Variants in PTPRT observed in about 807,000 individuals in gnomAD.
The protein encoded by PTPRT is protein tyrosine phosphatase receptor type T, also known as receptor-type tyrosine-protein phosphatase T.
In PTPRT, 56 loss-of-function variants were observed where a neutral mutation model predicts 176.8. The observed-to-expected ratio is 0.32, with a 90% confidence interval of 0.26 to 0.40. The LOEUF is 0.40. PTPRT is among the 10% of genes least tolerant of loss of function. PTPRT has a pLI of 1.00. For synonymous variants in PTPRT, 783 were observed against 739.0 expected, an observed-to-expected ratio of 1.06 and a Z score of -0.96; for missense variants, 1,540 against 1,908.2, an observed-to-expected ratio of 0.81 and a Z score of 3.60.
rs1194568944 is a variant in PTPRT at position 42,077,624 on chromosome 20, C to A, written c.*3255G>T. ...GTGCCCCATCTCATCCAAGCCTTGC[C>A]ACATCCTTGTCCCATGGGATCTTAG... is the stretch of plus-strand genomic sequence containing the variant. On this transcript the variant is annotated 3_prime_UTR_variant, in exon 31 of 31. Transcript: ENST00000373187. The A allele has an allele frequency of 4.6e-6, 1 of 219,076 alleles. No homozygotes were observed. Among genetic ancestry groups the A allele is most frequent in the African/African-American group, 2.2e-5 (1 of 44,560 alleles). 13.6% of individuals were successfully genotyped at this position (219,076 alleles called of 1,614,324 possible).
chr20:42,847,542 A>G (rs2145747631), intron 2 of PTPRT, among the ~76,000 whole-genome samples: 1 of 152,286 alleles, frequency 6.6e-6, no homozygotes, highest in African/African-American at 2.4e-5. Context: ...GTAAGCACTC[A>G]AGGCACGAGA....
At chr20:42,944,849 C>A (rs960533516) in intron 1 of PTPRT, among the ~76,000 whole-genome samples, 2 of 152,092 alleles carry the variant, frequency 1.3e-5, no homozygotes, top group African/African-American at 4.8e-5. Flanking sequence ...TCTTACCTCC[C>A]AGTGGTATAT....
intron 9 of PTPRT, among the ~76,000 whole-genome samples, chr20:42,372,843 C>G (rs939750085): frequency 6.6e-6 from 1 of 152,120 alleles, no homozygotes; most frequent in Non-Finnish European, 1.5e-5. Flanking sequence ...AGAACCCACC[C>G]CAGACACCTA....
At chr20:42,288,091 A>T (rs2057260977) in intron 12 of PTPRT, among the ~76,000 whole-genome samples, 1 of 152,030 alleles carries the variant, frequency 6.6e-6, no homozygotes, top group Admixed American at 6.6e-5. Flanking sequence ...ATTCTTGCAC[A>T]ATTAATTTGA....
chr20:42,969,133 T>G (rs906117882), intron 1 of PTPRT: 2 of 152,190 alleles, frequency 1.3e-5, no homozygotes, highest in African/African-American at 4.8e-5. Context: ...TACACTTGCC[T>G]AAAGGAAAAT....
At chr20:42,897,863 A>T (rs1170121316) in intron 1 of PTPRT, among the ~76,000 whole-genome samples, 1 of 152,186 alleles carries the variant, frequency 6.6e-6, no homozygotes, top group Admixed American at 6.5e-5. Context: ...ATTTGTAAAC[A>T]CTTGGAATAG....
chr20:43,033,814 G>A lies in PTPRT; in HGVS notation c.89-147882C>T, dbSNP rs150476352. ...CCTGCTCTACAGAAAAACACTGAGC[G>A]CAGTGACCTTAAGTAACTCTCAAGG... On this transcript the variant is annotated intron_variant, in intron 1 of 30. Transcript: ENST00000373187. Among the ~76,000 whole-genome samples the A allele has an allele frequency of 3.3e-3, 497 of 152,254 alleles. 3 individuals carry two copies. The highest frequency in any genetic ancestry group is 0.011 in the African/African-American group (466 of 41,556).
At chr20:42,055,989 C>T in the PTPRT span, among the ~76,000 whole-genome samples, 1 of 152,172 alleles carries the variant, frequency 6.6e-6, no homozygotes, top group South Asian at 2.1e-4. Context: ...ATGCATCATG[C>T]TGCCTTCCAG....
chr20:42,104,625 T>C lies in PTPRT; in HGVS notation c.3484A>G (p.Asn1162Asp), dbSNP rs1986255222. ...GTCTGGGGGTCCAGCCTGCTGATAT[T>C]GTAGTAGAGAGAACGGAACTCACAC... is the stretch of plus-strand genomic sequence containing the variant. ...PVCEFRSLYY[N>D]ISRLDPQTNS... The change falls in exon 25 of 31, where the codon AAT (asparagine) becomes GAT (aspartate). Residue 1162 changes from asparagine to aspartate, a missense_variant. By Grantham distance (23) the Asn-to-Asp change is conservative. Coordinates refer to ENST00000373187, the MANE Select transcript of PTPRT (RefSeq NM_007050.6). 6.2e-7 allele frequency: 1 copy of C among 1,610,894 alleles called. No homozygotes were observed. Among genetic ancestry groups the C allele is most frequent in the Non-Finnish European group, 8.5e-7 (1 of 1,177,130 alleles).
intron 7 of PTPRT, among the ~76,000 whole-genome samples, chr20:42,549,750 G>C (rs1465363574): frequency 2.6e-5 from 4 of 152,152 alleles, no homozygotes; most frequent in Admixed American, 2.6e-4. Context: ...TGGTTTATGT[G>C]ATGCACAGTC....
intron 15 of PTPRT, among the ~76,000 whole-genome samples, chr20:42,229,911 G>A (rs900340699): frequency 2.6e-5 from 4 of 151,980 alleles, no homozygotes; most frequent in Non-Finnish European, 4.4e-5. Context: ...CTGTATGTCC[G>A]TATGTCTTTT....
chr20:42,405,402 C>G (rs1252544193), intron 9 of PTPRT, among the ~76,000 whole-genome samples: 3 of 152,066 alleles, frequency 2.0e-5, no homozygotes, highest in Non-Finnish European at 4.4e-5. Context: ...TCCACCTGTT[C>G]TCATTGTTCA....
intron 7 of PTPRT, among the ~76,000 whole-genome samples, chr20:42,477,580 C>G (rs992933813): frequency 6.6e-6 from 1 of 152,110 alleles, no homozygotes; most frequent in Admixed American, 6.5e-5. Context: ...TTGGTGCAAA[C>G]AAGTTGGAAA....
At chr20:43,054,545 C>A (rs1436914466) in intron 1 of PTPRT, among the ~76,000 whole-genome samples, 1 of 150,020 alleles carries the variant, frequency 6.7e-6, no homozygotes, top group African/African-American at 2.5e-5. Context: ...CAGAGTGAAA[C>A]CCTGTCTCCA....
intron 6 of PTPRT, among the ~76,000 whole-genome samples, chr20:42,720,237 C>T (rs1277586597): frequency 6.6e-6 from 1 of 152,188 alleles, no homozygotes; most frequent in African/African-American, 2.4e-5. Flanking sequence ...CGTGGGCTTA[C>T]ATGCATGATA....
intron 1 of PTPRT, among the ~76,000 whole-genome samples, chr20:42,975,499 T>C (rs1422639566): frequency 6.6e-6 from 1 of 152,246 alleles, no homozygotes; most frequent in Non-Finnish European, 1.5e-5. Flanking sequence ...TAAAAACCTT[T>C]CATTTGGCAA....
intron 1 of PTPRT, among the ~76,000 whole-genome samples, chr20:42,904,892 C>T (rs2079453980): frequency 6.6e-6 from 1 of 152,174 alleles, no homozygotes; most frequent in Admixed American, 6.5e-5. Context: ...GGATCCCTTC[C>T]TTACATCTTA....
At chr20:42,870,866 G>A (rs2078833159) in intron 2 of PTPRT, among the ~76,000 whole-genome samples, 2 of 151,938 alleles carry the variant, frequency 1.3e-5, no homozygotes, top group South Asian at 4.1e-4. Context: ...TTTTATAGTG[G>A]CCACCCTAAT....
chr20:42,062,327 G>A, the PTPRT span, among the ~76,000 whole-genome samples: 3 of 152,116 alleles, frequency 2.0e-5, no homozygotes, highest in East Asian at 1.9e-4. Context: ...TTCTAAAATC[G>A]GAAAAGAAGG....
Sources: allele counts gnomAD v4.1 joint callset (sites outside exome capture counted in the v4.1 genomes callset), GRCh38; gene constraint gnomAD v4.1.1; transcripts MANE v1.5; gene names NCBI Gene and HGNC (gene_info 2026-07-23, HGNC 2026-07-21).